The following MTHFD2L variants were observed in gnomAD, a reference collection of about 807,000 sequenced individuals.
MTHFD2L encodes the protein bifunctional methylenetetrahydrofolate dehydrogenase/cyclohydrolase 2, mitochondrial.
Under a neutral mutation model 34.9 loss-of-function variants are expected in MTHFD2L, and 29 were observed. The observed-to-expected ratio is 0.83, with a 90% CI of 0.62 to 1.13. The LOEUF (loss-of-function observed/expected upper bound fraction) is 1.13, where lower values mean the gene tolerates loss of function less well. MTHFD2L is among the 50% of genes most tolerant of loss of function. The pLI is 0.00. For missense variants in MTHFD2L, 481 were observed against 446.5 expected (o/e 1.08, Z -0.70); for synonymous variants, 167 against 155.7 (o/e 1.07, Z -0.54).
intron 6 of MTHFD2L, among the ~76,000 whole-genome samples, chr4:74,238,492 A>C (rs1741178088): frequency 6.6e-6 from 1 of 152,224 alleles, no homozygotes; most frequent in South Asian, 2.1e-4. Flanking sequence ...CAAAAGAGAC[A>C]AATGGGATCT....
intron 1 of MTHFD2L, among the ~76,000 whole-genome samples, chr4:74,170,386 T>C (rs1377219290): frequency 6.6e-6 from 1 of 152,146 alleles, no homozygotes; most frequent in Non-Finnish European, 1.5e-5. Flanking sequence ...ATCATCTCAA[T>C]AGACATAAAA....
chr4:74,290,998 C>CTTTTT (rs1560565979), intron 7 of MTHFD2L, among the ~76,000 whole-genome samples: 15 of 46,184 alleles, frequency 3.2e-4, no homozygotes, highest in African/African-American at 9.4e-4. Context: ...TTTATTTTTC[C>CTTTTT]TTTTCTTTTT....
chr4:74,136,833 A>C (rs1276481711), intron 1 of MTHFD2L, among the ~76,000 whole-genome samples: 1 of 152,202 alleles, frequency 6.6e-6, no homozygotes, highest in African/African-American at 2.4e-5. Flanking sequence ...CAGCCAATTC[A>C]TCTTCAGCAA....
chr4:74,174,397 T>C, intron 1 of MTHFD2L, 109 bp from the exon 2 acceptor site: 1 of 834,122 alleles, frequency 1.2e-6, no homozygotes, highest in South Asian at 4.3e-5. Flanking sequence ...AAAATCAAAT[T>C]TTGGGTGCTT....
intron 6 of MTHFD2L, among the ~76,000 whole-genome samples, chr4:74,243,791 AAG>A (rs1742037615): frequency 6.6e-6 from 1 of 152,170 alleles, no homozygotes; most frequent in Non-Finnish European, 1.5e-5. Context: ...CCTAGGAGTA[AAG>A]AGAGCATTTT....
At chr4:74,164,764 G>T (rs1322156376) in intron 1 of MTHFD2L, among the ~76,000 whole-genome samples, 4 of 152,188 alleles carry the variant, frequency 2.6e-5, no homozygotes, top group African/African-American at 9.7e-5. Context: ...TCTAATTTCA[G>T]GTGAGTAGTT....
intron 1 of MTHFD2L, among the ~76,000 whole-genome samples, chr4:74,132,380 C>T (rs907420462): frequency 1.3e-5 from 2 of 152,230 alleles, no homozygotes; most frequent in East Asian, 1.9e-4. Flanking sequence ...AAATGTGGCA[C>T]ATATACACCA....
At chr4:74,274,083 C>T (rs1015977695) in intron 6 of MTHFD2L, among the ~76,000 whole-genome samples, 4 of 151,976 alleles carry the variant, frequency 2.6e-5, no homozygotes, top group Non-Finnish European at 5.9e-5. Flanking sequence ...AACTCCTGAC[C>T]TCAAGTGATA....
chr4:74,191,379 G>A (rs479409), intron 3 of MTHFD2L, among the ~76,000 whole-genome samples: 23,246 of 149,694 alleles, frequency 0.16, 3,891 homozygotes, highest in African/African-American at 0.42. Context: ...TTTTTTTCAT[G>A]TCCAGAAAGG....
chr4:74,162,681 T>G (rs1725719983), intron 1 of MTHFD2L, among the ~76,000 whole-genome samples: 1 of 152,142 alleles, frequency 6.6e-6, no homozygotes, highest in South Asian at 2.1e-4. Flanking sequence ...TGTCCTTCGA[T>G]CCTCACAACA....
intron 5 of MTHFD2L, among the ~76,000 whole-genome samples, chr4:74,213,945 A>C (rs886161854): frequency 4.6e-5 from 7 of 151,418 alleles, no homozygotes; most frequent in Admixed American, 2.6e-4. Flanking sequence ...TTCTTTCTTT[A>C]TTTAATTAAG....
At chr4:74,287,575 C>T (rs893475299) in intron 7 of MTHFD2L, among the ~76,000 whole-genome samples, 2 of 152,008 alleles carry the variant, frequency 1.3e-5, no homozygotes, top group Non-Finnish European at 2.9e-5. Context: ...GGTGAAACCC[C>T]GTCTCTACTA....
chr4:74,269,288 A>G lies in MTHFD2L; in HGVS notation c.806-12137A>G, dbSNP rs191264955. ...GGGGAAAAAACACAAGTTTTTCTCC[A>G]TAAGCCTTCTTTGTGCGTTAGTGTA... On this transcript the variant is annotated intron_variant, in intron 6 of 7. Transcript: ENST00000325278. Among the ~76,000 whole-genome samples, 690 of 152,300 alleles carry G rather than the reference A, an allele frequency of 4.5e-3. 6 individuals are homozygous for G. Among genetic ancestry groups the G allele is most frequent in the South Asian group, 0.042 (203 of 4,830 alleles).
upstream of MTHFD2L, among the ~76,000 whole-genome samples, chr4:74,119,961 C>T (rs1005126271): frequency 4.0e-5 from 6 of 151,310 alleles, no homozygotes; most frequent in South Asian, 2.1e-4. Flanking sequence ...CTGTGTTAAA[C>T]AAGACTTTGG....
rs1425279678 is a variant in MTHFD2L, at chr4:74,199,858, T to A, written c.516T>A (p.His172Gln). ...IAPEKDVDGF[H>Q]IINIGRLCLD... is the part of the protein sequence containing the mutation. ...CAGAAAAAGATGTAGATGGATTTCA[T>A]ATTATCAATATTGGAAGATTGTGCC... is the stretch of plus-strand genomic sequence containing the variant. The change falls in exon 4 of 8, where the codon CAT (histidine) becomes CAA (glutamine). Residue 172 changes from histidine (H) to glutamine (Q), a missense_variant. Transcript: ENST00000325278. 1.2e-6 allele frequency: 2 copies of A among 1,613,806 alleles called. No homozygotes were observed. The highest frequency in any genetic ancestry group is 1.7e-5 in the Admixed American group (1 of 59,986).
chr4:74,277,130 A>C (rs1027336153), intron 6 of MTHFD2L, among the ~76,000 whole-genome samples: 1 of 150,166 alleles, frequency 6.7e-6, no homozygotes, highest in African/African-American at 2.5e-5. Flanking sequence ...GAGACAGAAC[A>C]CTCACACAAA....
intron 1 of MTHFD2L, chr4:74,161,649 G>A (rs1254189770): frequency 6.6e-6 from 1 of 152,150 alleles, no homozygotes; most frequent in Non-Finnish European, 1.5e-5. Flanking sequence ...ATCAGTACAT[G>A]AAAAAGAGGG....
chr4:74,175,339 C>T lies in MTHFD2L; in HGVS notation c.387C>T (p.Asp129=), dbSNP rs140401598. The change falls in exon 3 of 8, where the codon GAC becomes GAT. Residue 129 remains aspartate (D), a synonymous_variant. Transcript: ENST00000325278. ...ATGTTTCTCAGGAAGAACTTTTGGACGTAACTGATCAATTGAATATGGACC... is the reference window on the plus strand; with the variant it reads ...ATGTTTCTCAGGAAGAACTTTTGGATGTAACTGATCAATTGAATATGGACC... ...PKDVSQEELL[D]VTDQLNMDPR... The T allele has an allele frequency of 1.4e-4, 226 of 1,612,904 alleles. No homozygotes were observed. Among genetic ancestry groups the T allele is most frequent in the Non-Finnish European group, 1.8e-4 (213 of 1,179,274 alleles).
At chr4:74,160,261 T>C in intron 1 of MTHFD2L, 1 of 384,714 alleles carries the variant, frequency 2.6e-6, no homozygotes, top group South Asian at 2.2e-5. Flanking sequence ...TGCCTTTGAG[T>C]TTGATAAACT....
Sources: gnomAD v4.1 joint callset for allele counts (sites outside exome capture counted in the v4.1 genomes callset) on GRCh38, gnomAD v4.1.1 for gene constraint, MANE v1.5 for transcripts, NCBI Gene and HGNC (gene_info 2026-07-23, HGNC 2026-07-21) for gene names.